Variants in SLC22A8 observed in about 807,000 individuals in gnomAD.
The protein encoded by SLC22A8 is organic anion transporter 3.
In SLC22A8, 40 loss-of-function variants were observed where a neutral mutation model predicts 48.4. That is an observed-to-expected ratio of 0.83 (90% CI 0.64 to 1.08). SLC22A8 has a LOEUF of 1.08. Ranked by LOEUF, SLC22A8 falls within the 50% of genes least tolerant of loss-of-function variation. The pLI, the probability that SLC22A8 is intolerant of heterozygous loss-of-function variation, is 0.00. For missense variants in SLC22A8, 606 were observed against 699.0 expected, an observed-to-expected ratio of 0.87 and a Z score of 1.50; for synonymous variants, 268 against 286.3, an observed-to-expected ratio of 0.94 and a Z score of 0.65.
At chr11:62,998,773 A>G (rs767751398) in intron 5 of SLC22A8, 148 bp downstream of exon 5, 32 of 635,610 alleles carry the variant, frequency 5.0e-5, no homozygotes, top group Admixed American at 2.6e-4. Context: ...GCATTTGTTT[A>G]TGTAGTTCCT....
At chr11:63,014,058 C>A (rs1255000389) in intron 2 of SLC22A8, among the ~76,000 whole-genome samples, 1 of 152,122 alleles carries the variant, frequency 6.6e-6, no homozygotes, top group East Asian at 1.9e-4. Flanking sequence ...CCCCTCTGTG[C>A]GGTCCCTCCT....
chr11:63,004,941 G>A (rs1025194346), intron 2 of SLC22A8, among the ~76,000 whole-genome samples: 5 of 152,210 alleles, frequency 3.3e-5, no homozygotes, highest in Admixed American at 6.5e-5. Flanking sequence ...CAGAATGAGT[G>A]CATGTCAATA....
At chr11:63,013,189 T>C (rs1231471058) in intron 2 of SLC22A8, among the ~76,000 whole-genome samples, 1 of 152,176 alleles carries the variant, frequency 6.6e-6, no homozygotes, top group Non-Finnish European at 1.5e-5. Context: ...AAGCACTTTA[T>C]ATAAAAATAT....
intron 2 of SLC22A8, among the ~76,000 whole-genome samples, chr11:63,003,836 A>G (rs1456886169): frequency 6.6e-6 from 1 of 152,162 alleles, no homozygotes; most frequent in Admixed American, 6.5e-5. Context: ...AGTTGCTGTC[A>G]GTCTGGGTCC....
chr11:63,008,872 C>A (rs1427577025), intron 2 of SLC22A8, among the ~76,000 whole-genome samples: 1 of 152,070 alleles, frequency 6.6e-6, no homozygotes, highest in East Asian at 1.9e-4. Context: ...AAAATGGGGA[C>A]AATAGTGCCT....
chr11:62,993,911 AG>A, intron 8 of SLC22A8, 33 bp from the exon 9 acceptor site: 1 of 1,346,708 alleles, frequency 7.4e-7, no homozygotes, highest in African/African-American at 1.4e-5. Context: ...TGGGCCTTGG[AG>A]TTCAGGAGCA....
In SLC22A8 at chr11:63,001,008, C is replaced by T. The variant is rs1387787473; in HGVS notation, c.334-185G>A. The T allele has an allele frequency of 5.2e-6, 3 of 573,416 alleles. No individual in the cohort carries two copies. The East Asian group carries it at 9.1e-5, about 17-fold the overall frequency. 35.5% of individuals were successfully genotyped at this position (573,416 alleles called of 1,614,324 possible). A position where few individuals can be genotyped will look rare whatever the true frequency, so the allele number is the denominator to read the frequency against. ...CTTGGGTTTGTCTGTGGCTCTTCGG[C>T]CCCTGACCTGCATCCCTCAGGCATG... On this transcript the variant is annotated intron_variant, in intron 2 of 10. Coordinates refer to ENST00000336232, the MANE Select transcript of SLC22A8 (RefSeq NM_004254.4).
chr11:63,012,084 G>A (rs538036740), intron 2 of SLC22A8, among the ~76,000 whole-genome samples: 1 of 151,680 alleles, frequency 6.6e-6, no homozygotes, highest in East Asian at 1.9e-4. Flanking sequence ...CCGCCTCCTA[G>A]GTTCAAGCAA....
At chr11:62,996,301 C>A (rs1018853092) in intron 5 of SLC22A8, 149 bp from the exon 6 acceptor site, 16 of 801,598 alleles carry the variant, frequency 2.0e-5, no homozygotes, top group Non-Finnish European at 2.9e-5. Context: ...TAAACTTGGA[C>A]AAACTCTGCC....
At chr11:63,007,782 C>T (rs534025899) in intron 2 of SLC22A8, among the ~76,000 whole-genome samples, 2 of 152,140 alleles carry the variant, frequency 1.3e-5, no homozygotes, top group Admixed American at 6.5e-5. Flanking sequence ...GAGAAAAGCA[C>T]GATGCTCAGG....
intron 2 of SLC22A8, among the ~76,000 whole-genome samples, chr11:63,006,912 GT>G (rs1402673916): frequency 6.6e-6 from 1 of 151,902 alleles, no homozygotes; most frequent in Non-Finnish European, 1.5e-5. Flanking sequence ...CAGCCTTGAG[GT>G]TTTATCTCTA....
chr11:63,006,408 A>T (rs2086554709), intron 2 of SLC22A8, among the ~76,000 whole-genome samples: 1 of 151,958 alleles, frequency 6.6e-6, no homozygotes. Flanking sequence ...GTGGTCAATA[A>T]GTGTTTGTCA....
chr11:62,998,968 C>T lies in SLC22A8; in HGVS notation c.714G>A (p.Leu238=), dbSNP rs11568495. 4 of 1,613,748 alleles carry T rather than the reference C, an allele frequency of 2.5e-6. No individual in the cohort carries two copies. In the African/African-American group the frequency reaches 5.3e-5, roughly 22 times the overall value. ...LAYAIPQWRW[L]QLTVSIPFFV... is the part of the protein sequence containing the mutation. ...AGAAGGGAATGGACACAGTTAACTGCAGCCAACGCCACTGGGGGATGGCGT... is the reference window on the plus strand; with the variant it reads ...AGAAGGGAATGGACACAGTTAACTGTAGCCAACGCCACTGGGGGATGGCGT... The change falls in exon 5 of 11, where the codon CTG becomes CTA. Residue 238 remains leucine, a synonymous_variant. Coordinates refer to ENST00000336232, the MANE Select transcript of SLC22A8 (RefSeq NM_004254.4).
intron 2 of SLC22A8, among the ~76,000 whole-genome samples, chr11:63,009,222 G>T (rs1381420873): frequency 6.6e-6 from 1 of 152,148 alleles, no homozygotes; most frequent in African/African-American, 2.4e-5. Flanking sequence ...GGGGACTGGG[G>T]ATTGGGATGA....
intron 2 of SLC22A8, among the ~76,000 whole-genome samples, chr11:63,007,598 A>T (rs2086570669): frequency 6.6e-6 from 1 of 152,190 alleles, no homozygotes; most frequent in African/African-American, 2.4e-5. Context: ...AAATGCTGGG[A>T]TTACAGGCAT....
Position 62,994,530 on chromosome 11 carries a change from C to T in SLC22A8, c.1216+12G>A. 6.3e-7 allele frequency: 1 copy of T among 1,584,914 alleles called. No individual in the cohort carries two copies. The highest frequency in any genetic ancestry group is 8.6e-7 in the Non-Finnish European group (1 of 1,163,230). On this transcript the variant is annotated intron_variant, in intron 8 of 10. Coordinates refer to ENST00000336232, the MANE Select transcript of SLC22A8 (RefSeq NM_004254.4). ...TCTTCCAGAGGGTTCTGGGGTAGCC[C>T]CAGTCTCTCACCCAAGGGCACAAAG...
chr11:63,009,467 G>C (rs760847521), intron 2 of SLC22A8, among the ~76,000 whole-genome samples: 7 of 152,254 alleles, frequency 4.6e-5, no homozygotes, highest in Non-Finnish European at 8.8e-5. Context: ...AGAGAGATGG[G>C]TCTTGCTCAT....
intron 3 of SLC22A8, 39 bp downstream of exon 3, chr11:63,000,681 A>G: frequency 2.1e-6 from 3 of 1,437,670 alleles, no homozygotes. Flanking sequence ...GGTTGTCCCC[A>G]TGGGTCATGC....
chr11:62,993,741 C>G, intron 9 of SLC22A8, 29 bp downstream of exon 9: 5 of 1,597,710 alleles, frequency 3.1e-6, no homozygotes, highest in Non-Finnish European at 4.3e-6. Context: ...TGTCCTCTGG[C>G]TGGGCCTGGC....
Sources: gnomAD v4.1 joint callset for allele counts (sites outside exome capture counted in the v4.1 genomes callset) on GRCh38, gnomAD v4.1.1 for gene constraint, MANE v1.5 for transcripts, NCBI Gene and HGNC (gene_info 2026-07-23, HGNC 2026-07-21) for gene names.